Variants in GPHN observed in about 807,000 individuals in gnomAD.
GPHN encodes the protein gephyrin.
A neutral mutation model predicts 95.5 loss-of-function variants in GPHN; 17 were observed. That is an observed-to-expected ratio of 0.18 (90% CI 0.12 to 0.27). The LOEUF (loss-of-function observed/expected upper bound fraction) is 0.27. Among genes scored for constraint, GPHN ranks in the 10% least tolerant of loss-of-function variants. GPHN has a pLI of 1.00. For missense variants in GPHN, 660 were observed against 978.1 expected (o/e 0.67, Z 4.34); for synonymous variants, 320 against 322.5 (o/e 0.99, Z 0.08).
At chr14:67,351,772 C>T in the GPHN span, among the ~76,000 whole-genome samples, 2 of 152,024 alleles carry the variant, frequency 1.3e-5, no homozygotes, top group East Asian at 3.9e-4. Flanking sequence ...CCTCCCACCT[C>T]GGCCTCCCAA....
chr14:66,700,280 A>T (rs1236075812), intron 2 of GPHN, among the ~76,000 whole-genome samples: 1 of 152,222 alleles, frequency 6.6e-6, no homozygotes, highest in East Asian at 1.9e-4. Flanking sequence ...AGAGGCACTT[A>T]GCTACTAGAA....
At chr14:66,863,937 G>A (rs572911751) in intron 4 of GPHN, among the ~76,000 whole-genome samples, 11 of 152,202 alleles carry the variant, frequency 7.2e-5, no homozygotes, top group Admixed American at 1.3e-4. Flanking sequence ...TATCTCATAA[G>A]CACAAGCAAC....
chr14:66,939,729 C>T (rs887898598), intron 8 of GPHN, among the ~76,000 whole-genome samples: 6 of 152,114 alleles, frequency 3.9e-5, no homozygotes, highest in Non-Finnish European at 5.9e-5. Flanking sequence ...ATTTAACTGC[C>T]GTTAAAATAA....
intron 1 of GPHN, among the ~76,000 whole-genome samples, chr14:66,579,206 A>G (rs1189683371): frequency 2.6e-5 from 4 of 151,880 alleles, no homozygotes; most frequent in African/African-American, 4.8e-5. Context: ...CAGTAGATAC[A>G]TAGGAGATAA....
chr14:66,675,562 A>G (rs117919956), intron 1 of GPHN, among the ~76,000 whole-genome samples: 11 of 152,070 alleles, frequency 7.2e-5, no homozygotes, highest in Admixed American at 1.3e-4. Context: ...TCAACAGACT[A>G]TATTTCTTTA....
the GPHN span, among the ~76,000 whole-genome samples, chr14:67,497,996 C>T: frequency 1.9e-3 from 293 of 152,246 alleles, 2 homozygotes; most frequent in African/African-American, 6.8e-3. Context: ...CTGACCTTCT[C>T]CCCACTACCC....
At chr14:66,767,314 A>G (rs1163624001) in intron 2 of GPHN, among the ~76,000 whole-genome samples, 4 of 151,646 alleles carry the variant, frequency 2.6e-5, no homozygotes, top group African/African-American at 9.7e-5. Flanking sequence ...TAATTTTTAC[A>G]TTGCTAGTCA....
intron 2 of GPHN, among the ~76,000 whole-genome samples, chr14:66,742,576 T>G (rs1052841917): frequency 2.0e-5 from 3 of 152,190 alleles, no homozygotes; most frequent in Admixed American, 1.3e-4. Flanking sequence ...CGGTGACAGT[T>G]TTTAGCAGCC....
intron 8 of GPHN, among the ~76,000 whole-genome samples, chr14:66,961,395 A>T (rs2068888415): frequency 6.6e-6 from 1 of 152,020 alleles, no homozygotes. Context: ...CTAACCATAA[A>T]GGAAAATATT....
the GPHN span, chr14:67,200,700 C>T: frequency 6.3e-5 from 10 of 158,256 alleles, no homozygotes; most frequent in African/African-American, 1.7e-4. Flanking sequence ...GTCCCTAGAA[C>T]GCATGTGACA....
At chr14:67,584,878 G>A in the GPHN span, among the ~76,000 whole-genome samples, 1 of 152,176 alleles carries the variant, frequency 6.6e-6, no homozygotes, top group Non-Finnish European at 1.5e-5. Context: ...AAGATGTACA[G>A]AGGTGTTATA....
At chr14:67,687,876 A>G in the GPHN span, among the ~76,000 whole-genome samples, 4,242 of 151,506 alleles carry the variant, frequency 0.028, 215 homozygotes, top group African/African-American at 0.098. Flanking sequence ...GGTTCAGGCG[A>G]TTCTCCTGCC....
rs2061069345 is a variant in GPHN at position 66,818,524 on chromosome 14, C to T, written c.202-5950C>T. ...TCATTGATGGGCATTTGGGTTGTTC[C>T]CATGTCTTTGCTATTGTGAATAGTG... On this transcript the variant is annotated intron_variant, in intron 3 of 22. Coordinates refer to ENST00000478722, the MANE Select transcript of GPHN (RefSeq NM_020806.5). Among the ~76,000 whole-genome samples the T allele has an allele frequency of 2.0e-5, 3 of 152,092 alleles. No homozygotes were observed. The South Asian group carries it at 6.2e-4, about 32-fold the overall frequency.
intron 2 of GPHN, among the ~76,000 whole-genome samples, chr14:66,686,916 A>G (rs2067404083): frequency 6.6e-6 from 1 of 152,124 alleles, no homozygotes; most frequent in South Asian, 2.1e-4. Context: ...TTGTTTTGAG[A>G]TACGTCCCAT....
chr14:66,697,382 A>C (rs2153412001), intron 2 of GPHN, among the ~76,000 whole-genome samples: 1 of 152,352 alleles, frequency 6.6e-6, no homozygotes, highest in East Asian at 1.9e-4. Flanking sequence ...TTTCTGAGAA[A>C]GCCAATGGGA....
the GPHN span, among the ~76,000 whole-genome samples, chr14:67,653,656 C>A: frequency 1.3e-5 from 2 of 152,136 alleles, no homozygotes; most frequent in African/African-American, 4.8e-5. Flanking sequence ...AGTAGAAGAA[C>A]CTGGAAAGGA....
the GPHN span, among the ~76,000 whole-genome samples, chr14:67,612,723 G>A: frequency 2.6e-5 from 4 of 152,150 alleles, no homozygotes; most frequent in African/African-American, 7.2e-5. Flanking sequence ...GATAACTGGA[G>A]GCCAGGAGTT....
chr14:67,272,135 A>G, the GPHN span: 41,247 of 151,694 alleles, frequency 0.27, 9,717 homozygotes, highest in African/African-American at 0.61. Context: ...TTAAATTTGT[A>G]TACAAATCAC....
At position 67,024,808 on chromosome 14, in the gene GPHN, T is replaced by C. The variant is rs117893361; in HGVS notation, c.1006+1133T>C. On this transcript the variant is annotated intron_variant, in intron 10 of 22. Coordinates refer to ENST00000478722, the MANE Select transcript of GPHN (RefSeq NM_020806.5). ...GGGTCACATGGCCATGGAGTGCTCATGTGGCTGATCTTTATTTCACAATAA... is the reference window on the plus strand; with the variant it reads ...GGGTCACATGGCCATGGAGTGCTCACGTGGCTGATCTTTATTTCACAATAA... Among the ~76,000 whole-genome samples the C allele has an allele frequency of 5.6e-4, 86 of 152,308 alleles. 1 individual carries two copies. The East Asian group carries it at 0.015, about 27-fold the overall frequency.
Sources: allele counts gnomAD v4.1 joint callset (sites outside exome capture counted in the v4.1 genomes callset), GRCh38; gene constraint gnomAD v4.1.1; transcripts MANE v1.5; gene names NCBI Gene and HGNC (gene_info 2026-07-23, HGNC 2026-07-21).